PAPPA: variants seen among roughly 807,000 people sequenced by gnomAD.
PAPPA encodes the protein pappalysin-1.
In PAPPA, 60 loss-of-function variants were observed where a neutral mutation model predicts 164.0. The observed-to-expected ratio is 0.37, with a 90% CI of 0.30 to 0.45. PAPPA has a LOEUF of 0.45. Among genes scored for constraint, PAPPA ranks in the 20% least tolerant of loss-of-function variants. The pLI, the probability that PAPPA is intolerant of heterozygous loss-of-function variation, is 1.00. For synonymous variants in PAPPA, 875 were observed against 814.1 expected, an observed-to-expected ratio of 1.07 and a Z score of -1.27; for missense variants, 1,782 against 2,087.3, an observed-to-expected ratio of 0.85 and a Z score of 2.85.
intron 19 of PAPPA, among the ~76,000 whole-genome samples, chr9:116,377,348 T>C (rs751491303): frequency 5.9e-5 from 9 of 152,188 alleles, no homozygotes; most frequent in South Asian, 2.1e-4. Context: ...CCCTTGTTCC[T>C]GCCAGGGAAA....
At chr9:116,328,075 A>G (rs956516826) in intron 10 of PAPPA, among the ~76,000 whole-genome samples, 2 of 152,226 alleles carry the variant, frequency 1.3e-5, no homozygotes, top group Admixed American at 1.3e-4. Flanking sequence ...AAGCAATAAG[A>G]GGGCTTTGTT....
chr9:116,244,985 A>C (rs1844779631), intron 7 of PAPPA, among the ~76,000 whole-genome samples: 1 of 152,240 alleles, frequency 6.6e-6, no homozygotes, highest in Non-Finnish European at 1.5e-5. Context: ...AGCCATTAAA[A>C]GGAGTGGAAT....
intron 21 of PAPPA, among the ~76,000 whole-genome samples, chr9:116,383,745 C>T (rs1411624607): frequency 6.6e-6 from 1 of 152,152 alleles, no homozygotes; most frequent in Non-Finnish European, 1.5e-5. Flanking sequence ...ATCAGTCAGT[C>T]CCAGGTGGGC....
At chr9:116,377,520 A>T in intron 19 of PAPPA, 56 bp from the exon 20 acceptor site, 1 of 1,223,258 alleles carries the variant, frequency 8.2e-7, no homozygotes, top group South Asian at 1.2e-5. Flanking sequence ...GCCAACACGG[A>T]GGTGGGTCCC....
At chr9:116,254,902 T>C (rs766293878) in intron 7 of PAPPA, among the ~76,000 whole-genome samples, 2 of 151,812 alleles carry the variant, frequency 1.3e-5, no homozygotes, top group African/African-American at 2.4e-5. Context: ...TTCTTTCATA[T>C]AGCCTTCTAA....
chr9:116,361,331 C>T (rs887088623), intron 17 of PAPPA, among the ~76,000 whole-genome samples: 2 of 152,082 alleles, frequency 1.3e-5, no homozygotes, highest in African/African-American at 2.4e-5. Context: ...CAATATGGGC[C>T]CCCTGCACAG....
intron 7 of PAPPA, 63 bp from the exon 8 acceptor site, chr9:116,265,794 C>A (rs1845060746): frequency 7.2e-7 from 1 of 1,388,666 alleles, no homozygotes. Flanking sequence ...GATCAATTTT[C>A]CATTCTCTCT....
intron 21 of PAPPA, among the ~76,000 whole-genome samples, chr9:116,385,353 A>C (rs1412437682): frequency 6.6e-6 from 1 of 152,120 alleles, no homozygotes; most frequent in African/African-American, 2.4e-5. Context: ...CTGTAGAGAG[A>C]GAATCCATTT....
chr9:116,342,322 A>G (rs1476767531), intron 13 of PAPPA, among the ~76,000 whole-genome samples: 2 of 152,206 alleles, frequency 1.3e-5, no homozygotes, highest in Non-Finnish European at 2.9e-5. Context: ...TCCACATGGT[A>G]CAATGCTGAG....
At chr9:116,268,847 G>C (rs975548461) in intron 8 of PAPPA, among the ~76,000 whole-genome samples, 4 of 127,022 alleles carry the variant, frequency 3.1e-5, no homozygotes, top group East Asian at 2.9e-4. Flanking sequence ...AAGTAGGGGT[G>C]GGGGGGTAGG....
chr9:116,298,967 A>G (rs184240501), intron 9 of PAPPA, among the ~76,000 whole-genome samples: 45 of 152,290 alleles, frequency 3.0e-4, no homozygotes, highest in African/African-American at 9.6e-4. Context: ...AGTTTGTTTT[A>G]GTGTTTTGTT....
chr9:116,227,425 TC>T lies in PAPPA; in HGVS notation c.2112-4del, dbSNP rs780977134. The T allele has an allele frequency of 6.2e-7, 1 of 1,613,964 alleles. No homozygotes were observed. Among genetic ancestry groups the T allele is most frequent in the African/African-American group, 1.3e-5 (1 of 75,028 alleles). ...GTGCATTTTCCCTCTTTCCTTGGCC[TC>T]CTAGAGAATTGGGATCAGCATGTCA... On this transcript the variant is annotated splice_region_variant and splice_polypyrimidine_tract_variant and intron_variant, in intron 5 of 21. Coordinates refer to ENST00000328252, the MANE Select transcript of PAPPA (RefSeq NM_002581.5).
At chr9:116,297,229 C>T (rs1311700159) in intron 9 of PAPPA, among the ~76,000 whole-genome samples, 1 of 152,162 alleles carries the variant, frequency 6.6e-6, no homozygotes, top group African/African-American at 2.4e-5. Context: ...AGGTAGAAGA[C>T]TTATAGCCAA....
chr9:116,156,320 G>A (rs929559804), intron 1 of PAPPA, among the ~76,000 whole-genome samples: 2 of 137,574 alleles, frequency 1.5e-5, no homozygotes, highest in Admixed American at 7.2e-5. Context: ...ATATATGTGT[G>A]TATATATATA....
chr9:116,248,492 T>C (rs1421421669), intron 7 of PAPPA, among the ~76,000 whole-genome samples: 2 of 152,214 alleles, frequency 1.3e-5, no homozygotes, highest in African/African-American at 2.4e-5. Context: ...GTCATGTTGT[T>C]AGTAAGTCTG....
intron 10 of PAPPA, among the ~76,000 whole-genome samples, chr9:116,308,378 A>T (rs997709545): frequency 5.3e-5 from 8 of 152,346 alleles, no homozygotes; most frequent in African/African-American, 1.9e-4. Flanking sequence ...AAGATCCTGG[A>T]CAAATTATAA....
chr9:116,218,530 A>G (rs1030234615), intron 4 of PAPPA, among the ~76,000 whole-genome samples: 1 of 152,094 alleles, frequency 6.6e-6, no homozygotes, highest in Non-Finnish European at 1.5e-5. Flanking sequence ...CAGTTGAATA[A>G]AACTGTTGGA....
At chr9:116,190,745 G>A (rs1044970889) in intron 2 of PAPPA, among the ~76,000 whole-genome samples, 1 of 152,246 alleles carries the variant, frequency 6.6e-6, no homozygotes, top group Non-Finnish European at 1.5e-5. Flanking sequence ...GCACTGGCAG[G>A]TTCCAAAGGC....
At chr9:116,281,599 G>A (rs1845268002) in intron 9 of PAPPA, among the ~76,000 whole-genome samples, 1 of 152,048 alleles carries the variant, frequency 6.6e-6, no homozygotes. Context: ...CCAGTAGAAG[G>A]GACTGTATTG....
Sources: allele counts gnomAD v4.1 joint callset (sites outside exome capture counted in the v4.1 genomes callset), GRCh38; gene constraint gnomAD v4.1.1; transcripts MANE v1.5; gene names NCBI Gene and HGNC (gene_info 2026-07-23, HGNC 2026-07-21).